Variants in DLGAP4 observed in about 807,000 individuals in gnomAD.
DLGAP4 encodes DLG associated protein 4.
DLGAP4 carries 18 observed loss-of-function variants against 86.9 expected under a neutral mutation model. The observed-to-expected ratio is 0.21, with a 90% confidence interval of 0.14 to 0.31. The LOEUF is 0.31. Among genes scored for constraint, DLGAP4 ranks in the 10% least tolerant of loss-of-function variants. The pLI, the probability that DLGAP4 is intolerant of heterozygous loss-of-function variation, is 1.00. For synonymous variants in DLGAP4, 548 were observed against 574.3 expected (o/e 0.95, Z 0.65); for missense variants, 1,085 against 1,362.6 (o/e 0.80, Z 3.21).
At chr20:36,491,563 A>G (rs1386551700) in intron 7 of DLGAP4, among the ~76,000 whole-genome samples, 1 of 152,046 alleles carries the variant, frequency 6.6e-6, no homozygotes, top group African/African-American at 2.4e-5. Flanking sequence ...ATGCATGTGT[A>G]AAGGCTTGGA....
intron 10 of DLGAP4, among the ~76,000 whole-genome samples, chr20:36,515,386 C>T (rs2147831826): frequency 6.6e-6 from 1 of 152,234 alleles, no homozygotes; most frequent in East Asian, 1.9e-4. Flanking sequence ...TATCTCTTTC[C>T]ATCCATTTAC....
chr20:36,388,698 A>G (rs1346396675), intron 2 of DLGAP4, among the ~76,000 whole-genome samples: 2 of 152,200 alleles, frequency 1.3e-5, no homozygotes, highest in African/African-American at 2.4e-5. Context: ...TTGGGGTAAT[A>G]GACCCTCTAC....
At chr20:36,509,581 TA>T in intron 10 of DLGAP4, among the ~76,000 whole-genome samples, 1 of 151,310 alleles carries the variant, frequency 6.6e-6, no homozygotes, top group Non-Finnish European at 1.5e-5. Flanking sequence ...AAAAAATAAA[TA>T]AATAATAATA....
intron 1 of DLGAP4, among the ~76,000 whole-genome samples, chr20:36,317,567 C>A (rs1340597692): frequency 1.4e-4 from 21 of 149,624 alleles, no homozygotes; most frequent in African/African-American, 5.2e-4. Context: ...AATCTTCCTG[C>A]CTCAGCCTCT....
chr20:36,324,915 C>T (rs1366807946), intron 1 of DLGAP4, among the ~76,000 whole-genome samples: 1 of 152,056 alleles, frequency 6.6e-6, no homozygotes, highest in Non-Finnish European at 1.5e-5. Context: ...CTTTTGGTGT[C>T]ACTGATTTTT....
chr20:36,525,371 A>T (rs989648442), intron 11 of DLGAP4: 1 of 185,174 alleles, frequency 5.4e-6, no homozygotes, highest in Non-Finnish European at 1.1e-5. Context: ...GCCTGTGGGA[A>T]TGTGTGTACT....
At chr20:36,366,124 G>T (rs543438006) in intron 1 of DLGAP4, among the ~76,000 whole-genome samples, 32 of 152,194 alleles carry the variant, frequency 2.1e-4, no homozygotes, top group African/African-American at 3.9e-4. Context: ...TTTGTTTTTG[G>T]TTTTGGTTTT....
At chr20:36,509,116 T>C (rs1012419866) in intron 10 of DLGAP4, among the ~76,000 whole-genome samples, 1 of 152,244 alleles carries the variant, frequency 6.6e-6, no homozygotes, top group African/African-American at 2.4e-5. Context: ...CATTCTTCTA[T>C]TGGATTCTCA....
chr20:36,432,686 C>T lies in DLGAP4; in HGVS notation c.969C>T (p.Cys323=), dbSNP rs1239756581. Residue 323 remains cysteine (C), a synonymous_variant, in exon 3 of 13, where the codon TGC becomes TGT. Transcript: ENST00000339266. The surrounding 1 kb of genome is among the most constrained non-coding windows in gnomAD (Gnocchi z 6.5). The stretch of plus-strand genomic sequence containing the variant: ...AGAGCCTGCTCAAGTCCAAATCCTG[C>T]CACCAGGGTCTAGCCTACCATTACC... The part of the protein sequence containing the change: ...LDKSLLKSKS[C]HQGLAYHYLQ... 1 of 1,613,400 alleles carries T rather than the reference C, an allele frequency of 6.2e-7. No homozygotes were observed. Among genetic ancestry groups the T allele is most frequent in the Non-Finnish European group, 8.5e-7 (1 of 1,179,776 alleles).
At chr20:36,418,030 C>T (rs1469484909) in intron 2 of DLGAP4, among the ~76,000 whole-genome samples, 1 of 151,646 alleles carries the variant, frequency 6.6e-6, no homozygotes, top group South Asian at 2.1e-4. Context: ...GGTGATCCAC[C>T]CACCTCGGCC....
At chr20:36,382,329 G>A (rs2031423570) in intron 2 of DLGAP4, among the ~76,000 whole-genome samples, 1 of 150,912 alleles carries the variant, frequency 6.6e-6, no homozygotes, top group Non-Finnish European at 1.5e-5. Context: ...AAATAATCCG[G>A]CTGCCTTAGC....
intron 2 of DLGAP4, among the ~76,000 whole-genome samples, chr20:36,409,708 G>C (rs1462882646): frequency 2.3e-5 from 3 of 131,244 alleles, no homozygotes; most frequent in African/African-American, 5.7e-5. Context: ...GAGCAAGACT[G>C]TCTCAAAAAA....
chr20:36,341,563 T>C (rs1469391115), intron 1 of DLGAP4, among the ~76,000 whole-genome samples: 3 of 152,206 alleles, frequency 2.0e-5, no homozygotes, highest in Non-Finnish European at 2.9e-5. Context: ...CCATCCTTCC[T>C]GGTTTAGAGA....
Position 36,480,402 on chromosome 20 carries a change from A to G in DLGAP4, c.1649-16303A>G, listed in dbSNP as rs191777843. Among the ~76,000 whole-genome samples the G allele has an allele frequency of 9.0e-4, 137 of 152,268 alleles. 1 individual carries two copies. The Middle Eastern group carries it at 0.017, about 19-fold the overall frequency. ...TGTATTTCGCTGTTTGTTGATAACA[A>G]TTCTCCGGAGGTAGGGGGGTAAAAA... On this transcript the variant is annotated intron_variant, in intron 7 of 12. Transcript: ENST00000339266.
intron 10 of DLGAP4, among the ~76,000 whole-genome samples, chr20:36,521,348 T>C (rs2037368993): frequency 6.6e-6 from 1 of 152,212 alleles, no homozygotes; most frequent in Non-Finnish European, 1.5e-5. Flanking sequence ...CCTCTGAATC[T>C]CTTTTTAGTA....
intron 2 of DLGAP4, among the ~76,000 whole-genome samples, chr20:36,390,265 T>C (rs1471145664): frequency 1.3e-5 from 2 of 152,050 alleles, no homozygotes; most frequent in African/African-American, 2.4e-5. Context: ...CACAGCCTGT[T>C]ACAGATAAAG....
chr20:36,439,911 C>T, intron 5 of DLGAP4, 43 bp downstream of exon 5: 4 of 1,542,574 alleles, frequency 2.6e-6, no homozygotes, highest in Non-Finnish European at 3.5e-6. Flanking sequence ...GGCTTGGGTA[C>T]TGATTCCCAT....
intron 2 of DLGAP4, among the ~76,000 whole-genome samples, chr20:36,424,546 C>T (rs1018767080): frequency 2.0e-5 from 3 of 152,108 alleles, no homozygotes; most frequent in African/African-American, 7.2e-5. Context: ...TGTGAATTGT[C>T]AGCAGCCAAT....
intron 1 of DLGAP4, among the ~76,000 whole-genome samples, chr20:36,348,413 ACTTT>A (rs1481374877): frequency 2.0e-5 from 3 of 151,818 alleles, no homozygotes; most frequent in African/African-American, 2.4e-5. Context: ...AGCAGAGCTT[ACTTT>A]CTTTTTTTTT....
Sources: gnomAD v4.1 joint callset for allele counts (sites outside exome capture counted in the v4.1 genomes callset) on GRCh38, gnomAD v4.1.1 for gene constraint, Gnocchi (gnomAD v3.1) non-coding constraint, MANE v1.5 for transcripts, NCBI Gene and HGNC (gene_info 2026-07-23, HGNC 2026-07-21) for gene names.